Variants in C9orf72 observed in about 807,000 individuals in gnomAD.
The protein encoded by C9orf72 is guanine nucleotide exchange factor C9orf72.
C9orf72 carries 44 observed loss-of-function variants against 51.6 expected under a neutral mutation model. The observed-to-expected ratio is 0.85, with a 90% CI of 0.67 to 1.10. C9orf72 has a LOEUF of 1.10. C9orf72 is among the 50% of genes least tolerant of loss of function. C9orf72 has a pLI of 0.00. For missense variants in C9orf72, 607 were observed against 570.6 expected, an observed-to-expected ratio of 1.06 and a Z score of -0.65; for synonymous variants, 213 against 194.2, an observed-to-expected ratio of 1.10 and a Z score of -0.81.
intron 6 of C9orf72, chr9:27,558,829 G>A: frequency 4.8e-6 from 2 of 414,522 alleles, no homozygotes; most frequent in Non-Finnish European, 8.6e-6. Context: ...TTACTGTATG[G>A]CATCTCAAAA....
At chr9:27,568,086 C>CAA (rs11418499) in intron 1 of C9orf72, among the ~76,000 whole-genome samples, 17,555 of 80,420 alleles carry the variant, frequency 0.22, 2,219 homozygotes, top group African/African-American at 0.27. Flanking sequence ...GCTAAAAGGT[C>CAA]AAAAAAAAAA....
At chr9:27,570,934 C>G (rs1035957897) in intron 1 of C9orf72, among the ~76,000 whole-genome samples, 2 of 152,116 alleles carry the variant, frequency 1.3e-5, no homozygotes, top group South Asian at 2.1e-4. Flanking sequence ...AAAGATCATA[C>G]TGAATTGCTT....
chr9:27,573,206 C>CAGG (rs1563908719), intron 1 of C9orf72, among the ~76,000 whole-genome samples: 2 of 151,940 alleles, frequency 1.3e-5, no homozygotes, highest in African/African-American at 4.9e-5. Flanking sequence ...TCCCTTGTCC[C>CAGG]TGCGCCGCCG....
chr9:27,548,480 T>C, intron 10 of C9orf72, 58 bp from the exon 11 acceptor site: 15 of 1,099,862 alleles, frequency 1.4e-5, no homozygotes, highest in East Asian at 2.7e-5. Flanking sequence ...AAAATTATGA[T>C]ATAGAAAATG....
At chr9:27,569,104 G>GA (rs1333307091) in intron 1 of C9orf72, among the ~76,000 whole-genome samples, 2 of 151,474 alleles carry the variant, frequency 1.3e-5, no homozygotes, top group African/African-American at 2.4e-5. Flanking sequence ...ATTTAAAATA[G>GA]AAAATAGAAA....
chr9:27,570,679 A>G (rs1819566994), intron 1 of C9orf72, among the ~76,000 whole-genome samples: 1 of 152,184 alleles, frequency 6.6e-6, no homozygotes, highest in South Asian at 2.1e-4. Flanking sequence ...CAGCCTGGCC[A>G]ACATGGTGAA....
At chr9:27,566,636 C>T (rs1819472089) in intron 2 of C9orf72, 41 bp downstream of exon 2, 2 of 1,380,714 alleles carry the variant, frequency 1.4e-6, no homozygotes, top group Admixed American at 2.2e-5. Flanking sequence ...AAGCTTTCAA[C>T]AGATAGGTTA....
intron 1 of C9orf72, among the ~76,000 whole-genome samples, chr9:27,572,827 C>G (rs899354135): frequency 4.6e-5 from 7 of 152,190 alleles, no homozygotes; most frequent in Non-Finnish European, 8.8e-5. Flanking sequence ...TGTGTCATCT[C>G]GGAGCTGTGA....
intron 8 of C9orf72, among the ~76,000 whole-genome samples, chr9:27,556,272 C>T (rs935673927): frequency 1.3e-5 from 2 of 151,952 alleles, no homozygotes; most frequent in Non-Finnish European, 2.9e-5. Flanking sequence ...TGGTTGGCCA[C>T]TATTAAGCCC....
chr9:27,568,015 G>A (rs1819506500), intron 1 of C9orf72, among the ~76,000 whole-genome samples: 2 of 141,324 alleles, frequency 1.4e-5, no homozygotes, highest in Admixed American at 7.7e-5. Flanking sequence ...AGTTTGTGGT[G>A]CTTTGTTAAG....
At position 27,565,551 on chromosome 9, in the gene C9orf72, TG is replaced by T; in HGVS notation, c.483del (p.Thr162GlnfsTer19). ...QENVQKIILE[G>X]TERMEDQGQS... ...TATACCTGATCTTCCATTCTCTCTG[TG>T]CCTTCTAAGATAATCTTCTGGACAT... On this transcript the variant is annotated frameshift_variant, in exon 3 of 11. Coordinates refer to ENST00000380003, the MANE Select transcript of C9orf72 (RefSeq NM_018325.5). LOFTEE classifies it high-confidence loss of function. 6.2e-7 allele frequency: 1 copy of T among 1,606,916 alleles called. No homozygotes were observed. The highest frequency in any genetic ancestry group is 8.5e-7 in the Non-Finnish European group (1 of 1,175,544).
chr9:27,566,605 GATTT>G, intron 2 of C9orf72, 68 bp downstream of exon 2: 1 of 1,068,052 alleles, frequency 9.4e-7, no homozygotes. Flanking sequence ...AAAAAAATAA[GATTT>G]ATATGTACCA....
chr9:27,548,132 G>A lies in C9orf72; in HGVS notation c.*104C>T. 3 of 819,820 alleles carry A rather than the reference G, an allele frequency of 3.7e-6. No individual in the cohort carries two copies. The highest frequency in any genetic ancestry group is 4.2e-5 in the South Asian group (2 of 47,738). 50.8% of individuals were successfully genotyped at this position (819,820 alleles called of 1,614,324 possible). ...TAACTTACTTAACTGCAATTGCTGAGAGCAGAATTCTGGAGTATGATCCAG... is the reference window on the plus strand; with the variant it reads ...TAACTTACTTAACTGCAATTGCTGAAAGCAGAATTCTGGAGTATGATCCAG... On this transcript the variant is annotated 3_prime_UTR_variant, in exon 11 of 11. Transcript: ENST00000380003.
intron 9 of C9orf72, among the ~76,000 whole-genome samples, 191 bp from the exon 10 acceptor site, chr9:27,548,857 T>TG (rs1820841912): frequency 6.6e-6 from 1 of 152,048 alleles, no homozygotes; most frequent in Non-Finnish European, 1.5e-5. Flanking sequence ...TATTTTTTTT[T>TG]TTTTTTGAGA....
At chr9:27,553,026 T>C (rs937747458) in intron 8 of C9orf72, among the ~76,000 whole-genome samples, 2 of 151,970 alleles carry the variant, frequency 1.3e-5, no homozygotes, top group Non-Finnish European at 2.9e-5. Flanking sequence ...ACAGATTGAG[T>C]AGGAATAATA....
Position 27,565,480 on chromosome 9 carries a change from A to G in C9orf72, c.504+51T>C, listed in dbSNP as rs771618064. The G allele has an allele frequency of 7.3e-6, 9 of 1,225,312 alleles. No homozygotes were observed. In the South Asian group the frequency reaches 1.1e-4, roughly 15 times the overall value. The allele number at this position is 1,225,312 out of a possible 1,614,324, so 75.9% of individuals were successfully genotyped here. On this transcript the variant is annotated intron_variant, in intron 3 of 10. Transcript: ENST00000380003. The stretch of plus-strand genomic sequence containing the variant: ...TGACAAATGTAGCCATCAACCTTAT[A>G]CAGATACATGCTGTGAGAAAAACAT...
In C9orf72 at chr9:27,558,355, A is replaced by C; in HGVS notation, c.855+136T>G. The stretch of plus-strand genomic sequence containing the variant: ...CATAAGACATATAGTCTATGTGCAG[A>C]ACTGTGTAAAGGAAGTCAGTCTCTG... On this transcript the variant is annotated intron_variant, in intron 7 of 10. Coordinates refer to ENST00000380003, the MANE Select transcript of C9orf72 (RefSeq NM_018325.5). 5 of 663,172 alleles carry C rather than the reference A, an allele frequency of 7.5e-6. No homozygotes were observed. The South Asian group carries it at 8.6e-5, about 11-fold the overall frequency. The allele number at this position is 663,172 out of a possible 1,614,324, so 41.1% of individuals were successfully genotyped here.
chr9:27,567,282 G>T, intron 1 of C9orf72, 118 bp from the exon 2 acceptor site: 1 of 619,172 alleles, frequency 1.6e-6, no homozygotes. Context: ...GTGGAATCCT[G>T]TTATCTCCTA....
intron 3 of C9orf72, 115 bp from the exon 4 acceptor site, chr9:27,562,591 T>C (rs949358820): frequency 3.1e-5 from 15 of 486,014 alleles, no homozygotes; most frequent in Middle Eastern, 4.3e-4. Flanking sequence ...TACTTCGTAA[T>C]TTGTTCAAAC....
Sources: gnomAD v4.1 joint callset for allele counts (sites outside exome capture counted in the v4.1 genomes callset) on GRCh38, gnomAD v4.1.1 for gene constraint, MANE v1.5 for transcripts, NCBI Gene and HGNC (gene_info 2026-07-23, HGNC 2026-07-21) for gene names.